Variants in NDUFB11 observed in about 807,000 individuals in gnomAD.
NDUFB11 encodes the protein NADH:ubiquinone oxidoreductase subunit B11.
For missense variants in NDUFB11, 108 were observed against 133.8 expected, an observed-to-expected ratio of 0.81 and a Z score of 0.95; for synonymous variants, 51 against 57.4, an observed-to-expected ratio of 0.89 and a Z score of 0.51.
upstream of NDUFB11, chrX:47,145,468 A>G (rs1556761624): frequency 8.7e-7 from 1 of 1,153,090 alleles, no homozygotes; most frequent in Admixed American, 2.6e-5. Flanking sequence ...CCCTTCCTTG[A>G]CAGCCCGGGC....
chrX:47,143,952 G>A (rs782599715), intron 1 of NDUFB11, among the ~76,000 whole-genome samples: 3 of 111,405 alleles, frequency 2.7e-5, no homozygotes, highest in East Asian at 5.6e-4. Context: ...ACCTCGAAAT[G>A]GGGTTTGTTT....
At chrX:47,144,764 G>A, upstream of NDUFB11, 1 of 890,880 alleles carries the variant, frequency 1.1e-6, no homozygotes, top group Non-Finnish European at 1.5e-6. Context: ...GACAATCATC[G>A]CCCCGCCTCC....
chrX:47,144,158 C>T (rs954791187), intron 1 of NDUFB11, among the ~76,000 whole-genome samples: 2 of 108,611 alleles, frequency 1.8e-5, no homozygotes, highest in Admixed American at 9.8e-5. Context: ...CAGACGGCAA[C>T]GAGCAAGTGC....
chrX:47,142,681 A>C lies in NDUFB11; in HGVS notation c.271T>G (p.Phe91Val), dbSNP rs782221179. The C allele has an allele frequency of 8.3e-7, 1 of 1,212,056 alleles. No homozygotes were observed. Among genetic ancestry groups the C allele is most frequent in the Admixed American group, 2.2e-5 (1 of 46,058 alleles). ...AGGATGATGGAGACGCCAAAGAAGAAGACAAGTCGCATGTTCCAGACGTCC... is the reference window on the plus strand; with the variant it reads ...AGGATGATGGAGACGCCAAAGAAGACGACAAGTCGCATGTTCCAGACGTCC... Reference protein sequence around the residue: ...VLDVWNMRLVFFFGVSIILVL... With the variant: ...VLDVWNMRLVVFFGVSIILVL... Residue 91 changes from phenylalanine to valine, a missense_variant, in exon 2 of 3, where the codon TTC becomes GTC. Transcript: ENST00000377811.
chrX:47,144,593 C>G lies in NDUFB11; in HGVS notation c.87G>C (p.Trp29Cys), dbSNP rs782217797. The change falls in exon 1 of 3, where the codon TGG (tryptophan) becomes TGC (cysteine). Residue 29 changes from tryptophan (W) to cysteine (C), a missense_variant. Physicochemically the swap from Trp to Cys is radical, Grantham distance 215. Coordinates refer to ENST00000377811, the MANE Select transcript of NDUFB11 (RefSeq NM_001135998.3). ...CCACAGTCCTGGAGAAGCTAGATTC[C>G]CAGCGGACGCGGGCGGCCGGGAGCC... is the stretch of plus-strand genomic sequence containing the variant. ...TRGLPAARVR[W>C]ESSFSRTVVA... 1 of 1,203,304 alleles carries G rather than the reference C, an allele frequency of 8.3e-7. No homozygotes were observed. The highest frequency in any genetic ancestry group is 1.8e-5 in the South Asian group (1 of 56,052).
At position 47,144,596 on chromosome X, in the gene NDUFB11, G is replaced by A. The variant is rs782301099; in HGVS notation, c.84C>T (p.Arg28=). The A allele has an allele frequency of 1.7e-6, 2 of 1,198,087 alleles. No individual in the cohort carries two copies. Among genetic ancestry groups the A allele is most frequent in the African/African-American group, 1.8e-5 (1 of 56,559 alleles). ...CAGTCCTGGAGAAGCTAGATTCCCA[G>A]CGGACGCGGGCGGCCGGGAGCCCTC... The part of the protein sequence containing the change: ...ATRGLPAARV[R]WESSFSRTVV... Residue 28 remains arginine, a synonymous_variant, in exon 1 of 3, where the codon CGC becomes CGT. Coordinates refer to ENST00000377811, the MANE Select transcript of NDUFB11 (RefSeq NM_001135998.3).
chrX:47,144,584 G>T lies in NDUFB11; in HGVS notation c.96C>A (p.Ser32Arg). Reference protein sequence around the residue: ...LPAARVRWESSFSRTVVAPSA... With the variant: ...LPAARVRWESRFSRTVVAPSA... ...ACGGGGCGACCACAGTCCTGGAGAAGCTAGATTCCCAGCGGACGCGGGCGG... is the reference window on the plus strand; with the variant it reads ...ACGGGGCGACCACAGTCCTGGAGAATCTAGATTCCCAGCGGACGCGGGCGG... The change falls in exon 1 of 3, where the codon AGC becomes AGA. Residue 32 changes from serine to arginine, a missense_variant. Physicochemically the swap from Ser to Arg is moderately radical, Grantham distance 110. Transcript: ENST00000377811. 8.3e-7 allele frequency: 1 copy of T among 1,205,037 alleles called. No individual in the cohort carries two copies. Among genetic ancestry groups the T allele is most frequent in the Non-Finnish European group, 1.1e-6 (1 of 892,937 alleles).
chrX:47,144,446 A>ACACCCCCCCCC, intron 1 of NDUFB11, 27 bp downstream of exon 1: 1 of 53,658 alleles, frequency 1.9e-5, no homozygotes, highest in African/African-American at 3.5e-4. Flanking sequence ...CGTCCCCACT[A>ACACCCCCCCCC]CCCCCCCCCC....
At chrX:47,144,854 T>A, upstream of NDUFB11, 1 of 430,070 alleles carries the variant, frequency 2.3e-6, no homozygotes, top group Non-Finnish European at 3.8e-6. Flanking sequence ...CCTCCAGTTG[T>A]CGTGGCTTCG....
rs782338530 is a variant in NDUFB11, at chrX:47,144,655, T to C, written c.25A>G (p.Ser9Gly). 4.5e-5 allele frequency: 53 copies of C among 1,169,300 alleles called. No individual in the cohort carries two copies. The highest frequency in any genetic ancestry group is 5.3e-5 in the Non-Finnish European group (46 of 875,874). Residue 9 changes from serine (S) to glycine (G), a missense_variant, in exon 1 of 3, where the codon AGC becomes GGC. By Grantham distance (56) the Ser-to-Gly change is moderately conservative. Coordinates refer to ENST00000377811, the MANE Select transcript of NDUFB11 (RefSeq NM_001135998.3). ...GCTGCCGCCAAAAGACGGCGAGCGCTCAAACCAAACAGCCCAGCCGCCATG... is the reference window on the plus strand; with the variant it reads ...GCTGCCGCCAAAAGACGGCGAGCGCCCAAACCAAACAGCCCAGCCGCCATG... MAAGLFGL[S>G]ARRLLAAAAT...
chrX:47,144,110 A>G (rs1335051626), intron 1 of NDUFB11, among the ~76,000 whole-genome samples: 1 of 106,806 alleles, frequency 9.4e-6, no homozygotes, highest in African/African-American at 3.5e-5. Flanking sequence ...TGGGCAACAT[A>G]GCGAGATCTC....
Position 47,144,635 on chromosome X carries a change from C to A in NDUFB11, c.45G>T (p.Ala15=), listed in dbSNP as rs192822483. ...CCGGGAGCCCTCGCGTCGCCGCTGC[C>A]GCCAAAAGACGGCGAGCGCTCAAAC... ...LFGLSARRLL[A]AAATRGLPAA... is the part of the protein sequence containing the mutation. Residue 15 remains alanine, a synonymous_variant, in exon 1 of 3, where the codon GCG becomes GCT. Coordinates refer to ENST00000377811, the MANE Select transcript of NDUFB11 (RefSeq NM_001135998.3). 2 of 1,181,502 alleles carry A rather than the reference C, an allele frequency of 1.7e-6. No homozygotes were observed. Among genetic ancestry groups the A allele is most frequent in the Admixed American group, 2.4e-5 (1 of 41,759 alleles).
chrX:47,144,579 G>A lies in NDUFB11; in HGVS notation c.101C>T (p.Ser34Phe), dbSNP rs1556761249. 5 of 1,205,165 alleles carry A rather than the reference G, an allele frequency of 4.1e-6. No individual in the cohort carries two copies. The South Asian group carries it at 7.1e-5, about 17-fold the overall frequency. ...AGCGGACGGGGCGACCACAGTCCTG[G>A]AGAAGCTAGATTCCCAGCGGACGCG... is the stretch of plus-strand genomic sequence containing the variant. ...AARVRWESSF[S>F]RTVVAPSAVA... Residue 34 changes from serine to phenylalanine, a missense_variant, in exon 1 of 3, where the codon TCC (serine) becomes TTC (phenylalanine). Transcript: ENST00000377811.
chrX:47,145,481 A>C (rs1481063725), upstream of NDUFB11: 7 of 1,149,906 alleles, frequency 6.1e-6, no homozygotes, highest in Admixed American at 1.0e-4. Flanking sequence ...GCCCGGGCCG[A>C]GAAGGTGAGC....
At chrX:47,144,129 A>T (rs1269198735) in intron 1 of NDUFB11, among the ~76,000 whole-genome samples, 2 of 91,641 alleles carry the variant, frequency 2.2e-5, no homozygotes, top group South Asian at 4.5e-4. Flanking sequence ...TCGTCCCTAT[A>T]AAAAAAAAAA....
In NDUFB11 at chrX:47,142,401, C is replaced by T. The variant is rs781866804; in HGVS notation, c.378G>A (p.Val126=). 2.5e-6 allele frequency: 3 copies of T among 1,211,970 alleles called. No individual in the cohort carries two copies. In the East Asian group the frequency reaches 8.9e-5, roughly 36 times the overall value. ...EWSRREAERL[V]KYREANGLPI... ...GAAGGCCATTGGCCTCTCGGTATTT[C>T]ACAAGCCTCTCAGCTTCGCGGCGGG... Residue 126 remains valine, a synonymous_variant, in exon 3 of 3, where the codon GTG becomes GTA. Coordinates refer to ENST00000377811, the MANE Select transcript of NDUFB11 (RefSeq NM_001135998.3).
chrX:47,144,445 T>TGGGGGGCCCCCC, intron 1 of NDUFB11, 28 bp downstream of exon 1: 1 of 61,004 alleles, frequency 1.6e-5, no homozygotes, highest in Non-Finnish European at 2.6e-5. Flanking sequence ...CCGTCCCCAC[T>TGGGGGGCCCCCC]ACCCCCCCCC....
chrX:47,144,843 G>T (rs1169419564), upstream of NDUFB11: 2 of 474,275 alleles, frequency 4.2e-6, no homozygotes, highest in Non-Finnish European at 6.6e-6. Flanking sequence ...AACCCTCTTT[G>T]CCTCCAGTTG....
intron 1 of NDUFB11, among the ~76,000 whole-genome samples, chrX:47,143,448 G>A (rs1556760778): frequency 8.9e-6 from 1 of 111,961 alleles, no homozygotes; most frequent in East Asian, 2.8e-4. Context: ...GAATGAACAA[G>A]CATCCTATAT....
Sources: gnomAD v4.1 joint callset for allele counts (sites outside exome capture counted in the v4.1 genomes callset) on GRCh38, gnomAD v4.1.1 for gene constraint, MANE v1.5 for transcripts, NCBI Gene and HGNC (gene_info 2026-07-23, HGNC 2026-07-21) for gene names.